Variants in IKZF4 observed in about 807,000 individuals in gnomAD.
IKZF4 encodes the protein IKAROS family zinc finger 4.
IKZF4 carries 11 observed loss-of-function variants against 47.7 expected under a neutral mutation model. The ratio of observed to expected loss-of-function variants is 0.23; its 90% CI spans 0.15 to 0.38. IKZF4 has a LOEUF of 0.38. Ranked by LOEUF, IKZF4 falls within the 10% of genes least tolerant of loss-of-function variation. IKZF4 has a pLI of 1.00. For synonymous variants in IKZF4, 298 were observed against 299.4 expected (o/e 1.00, Z 0.05); for missense variants, 557 against 784.9 (o/e 0.71, Z 3.47).
chr12:56,026,169 C>G (rs184922642), intron 3 of IKZF4, among the ~76,000 whole-genome samples: 24 of 152,148 alleles, frequency 1.6e-4, no homozygotes, highest in African/African-American at 4.8e-4. Context: ...CTCCTGACCT[C>G]AAAAGAATCC....
At chr12:56,026,725 T>A in intron 3 of IKZF4, 56 bp from the exon 4 acceptor site, 2 of 1,322,300 alleles carry the variant, frequency 1.5e-6, no homozygotes, top group Non-Finnish European at 2.0e-6. Flanking sequence ...CATTCTGGCC[T>A]GGGAGCAGCT....
upstream of IKZF4, chr12:56,020,986 C>A (rs1034696266): frequency 5.4e-5 from 56 of 1,036,466 alleles, no homozygotes; most frequent in African/African-American, 9.2e-4. Flanking sequence ...TCCCTAGGGC[C>A]CCCCCTTTCT....
rs1208487324 is a variant in IKZF4, at chr12:56,037,836, TA to T, written c.*2515del. 17 of 137,324 alleles carry T rather than the reference TA, an allele frequency of 1.2e-4. No individual in the cohort carries two copies. Among genetic ancestry groups the T allele is most frequent in the East Asian group, 2.1e-4 (1 of 4,810 alleles). The allele number at this position is 137,324 out of a possible 1,614,324, so 8.5% of individuals were successfully genotyped here. ...ATGCTCTCTCCCAGCTCCTTTTGCA[TA>T]AAAAAAAAAGTAAAGAAAAAGAAAA... On this transcript the variant is annotated 3_prime_UTR_variant, in exon 8 of 8. Transcript: ENST00000547167.
At chr12:56,024,143 G>T (rs1893557991) in intron 2 of IKZF4, among the ~76,000 whole-genome samples, 1 of 152,026 alleles carries the variant, frequency 6.6e-6, no homozygotes, top group Admixed American at 6.6e-5. Flanking sequence ...CATTATGAAA[G>T]CCTCAAAAAG....
chr12:56,021,803 A>G (rs1283261520), intron 1 of IKZF4: 2 of 666,834 alleles, frequency 3.0e-6, no homozygotes, highest in Non-Finnish European at 5.0e-6. Flanking sequence ...CTAAGCAAAG[A>G]CGGCGACTTG....
At chr12:56,016,428 T>C (rs1892070148), upstream of IKZF4, among the ~76,000 whole-genome samples, 1 of 148,984 alleles carries the variant, frequency 6.7e-6, no homozygotes, top group African/African-American at 2.5e-5. Flanking sequence ...TCTTTTCTTT[T>C]TTTTTTTTTT....
chr12:56,020,835 C>A, upstream of IKZF4: 3 of 647,726 alleles, frequency 4.6e-6, no homozygotes, highest in Non-Finnish European at 5.8e-6. Context: ...ATCTAGAGAG[C>A]AACCTTCCTC....
In IKZF4 at chr12:56,035,578, T is replaced by G. The variant is rs1472056672; in HGVS notation, c.*247T>G. 3 of 402,724 alleles carry G rather than the reference T, an allele frequency of 7.4e-6. No homozygotes were observed. The East Asian group carries it at 1.1e-4, about 15-fold the overall frequency. 24.9% of individuals were successfully genotyped at this position (402,724 alleles called of 1,614,324 possible). Reference sequence around the variant, plus strand: ...TCTTCTCTCATCCCAGCATACTGAGTTATTTATTAATTAGTTGATTTATTT... The same window carrying G: ...TCTTCTCTCATCCCAGCATACTGAGGTATTTATTAATTAGTTGATTTATTT... On this transcript the variant is annotated 3_prime_UTR_variant, in exon 8 of 8. Transcript: ENST00000547167. This position sits in a 1 kb window ranked among gnomAD's most constrained non-coding sequence, Gnocchi z 6.1.
chr12:56,019,986 CA>C (rs1413188165), upstream of IKZF4, among the ~76,000 whole-genome samples: 1 of 152,250 alleles, frequency 6.6e-6, no homozygotes, highest in Non-Finnish European at 1.5e-5. Context: ...GTAAGGCTAC[CA>C]TTAGCCCTGA....
In IKZF4 at chr12:56,038,197, CT is replaced by C. The variant is rs1225057972; in HGVS notation, c.*2870del. 6.6e-6 allele frequency: 1 copy of C among 152,378 alleles called. No individual in the cohort carries two copies. The highest frequency in any genetic ancestry group is 6.6e-5 in the Admixed American group (1 of 15,244). The allele number at this position is 152,378 out of a possible 1,614,324, so 9.4% of individuals were successfully genotyped here. On this transcript the variant is annotated 3_prime_UTR_variant, in exon 8 of 8. Transcript: ENST00000547167. Reference sequence around the variant, plus strand: ...CCTTTGTAGCCTATGTTTGGTGTCTCTTTTGACCTTTACCCCTTCACCTCCT... The same window carrying C: ...CCTTTGTAGCCTATGTTTGGTGTCTCTTTGACCTTTACCCCTTCACCTCCT...
At chr12:56,018,202 G>T, upstream of IKZF4, 2 of 1,288,352 alleles carry the variant, frequency 1.6e-6, no homozygotes, top group African/African-American at 1.5e-5. Flanking sequence ...TGTTCTATTT[G>T]TTAGGGGCTG....
chr12:56,032,452 C>A, intron 5 of IKZF4, 109 bp from the exon 6 acceptor site: 1 of 1,121,794 alleles, frequency 8.9e-7, no homozygotes, highest in Non-Finnish European at 1.2e-6. Flanking sequence ...CTCAATTTAG[C>A]AACATCCTTT....
intron 5 of IKZF4, among the ~76,000 whole-genome samples, chr12:56,031,841 CT>C (rs1352301565): frequency 1.3e-5 from 2 of 152,020 alleles, no homozygotes; most frequent in Non-Finnish European, 2.9e-5. Context: ...TTGGTGTTCT[CT>C]TTTTTTTACT....
At chr12:56,024,582 CAATT>C (rs1284482474) in intron 2 of IKZF4, 30 of 940,990 alleles carry the variant, frequency 3.2e-5, no homozygotes, top group Non-Finnish European at 3.5e-5. Flanking sequence ...AGTAAGTACT[CAATT>C]AATATTATTA....
intron 7 of IKZF4, among the ~76,000 whole-genome samples, chr12:56,033,604 G>A (rs1210050890): frequency 1.3e-5 from 2 of 152,128 alleles, no homozygotes; most frequent in Admixed American, 1.3e-4. Flanking sequence ...CTACTCGGGA[G>A]GCTGAAGCAG....
intron 2 of IKZF4, among the ~76,000 whole-genome samples, chr12:56,012,739 C>G (rs900106979): frequency 1.3e-5 from 2 of 152,168 alleles, no homozygotes; most frequent in Non-Finnish European, 2.9e-5. Context: ...GAAAGGATGC[C>G]CATTCCTGTT....
At chr12:56,033,146 C>T in intron 6 of IKZF4, 44 bp from the exon 7 acceptor site, 4 of 1,606,706 alleles carry the variant, frequency 2.5e-6, no homozygotes, top group Middle Eastern at 1.7e-4. Context: ...GCCAATGCTA[C>T]CCCTACTCAA....
chr12:56,015,467 G>A (rs573567852), intron 2 of IKZF4, among the ~76,000 whole-genome samples: 4 of 151,672 alleles, frequency 2.6e-5, no homozygotes, highest in East Asian at 1.9e-4. Context: ...CGTGATCTCC[G>A]CTCACTGCAA....
chr12:56,021,515 C>A lies in IKZF4; in HGVS notation c.22C>A (p.Pro8Thr), dbSNP rs749283952. The change falls in exon 1 of 8, where the codon CCT becomes ACT. Residue 8 changes from proline to threonine, a missense_variant. Around this residue, in one of 6 missense-constraint regions of IKZF4, gnomAD observed 44 missense variants for 39.7 expected, o/e 1.11. Transcript: ENST00000547167. MHTPPAL[P>T]RRFQGGGRVR... ...AGACATGCATACACCACCCGCACTC[C>A]CTCGCCGTTTCCAAGGCGGCGGCCG... 1.2e-6 allele frequency: 2 copies of A among 1,606,996 alleles called. No homozygotes were observed. The highest frequency in any genetic ancestry group is 1.7e-6 in the Non-Finnish European group (2 of 1,177,324).
Sources: gnomAD v4.1 joint callset for allele counts (sites outside exome capture counted in the v4.1 genomes callset) on GRCh38, gnomAD v4.1.1 for gene constraint, gnomAD v4.1.1 regional missense constraint, Gnocchi (gnomAD v3.1) non-coding constraint, MANE v1.5 for transcripts, NCBI Gene and HGNC (gene_info 2026-07-23, HGNC 2026-07-21) for gene names.